SERGEF: variants seen among roughly 807,000 people sequenced by gnomAD.
The protein encoded by SERGEF is secretion-regulating guanine nucleotide exchange factor.
SERGEF carries 51 observed loss-of-function variants against 50.0 expected under a neutral mutation model. The ratio of observed to expected loss-of-function variants is 1.02; its 90% CI spans 0.81 to 1.29. The LOEUF (loss-of-function observed/expected upper bound fraction) is 1.29, where lower values mean the gene tolerates loss of function less well. SERGEF is among the 50% of genes most tolerant of loss of function. The pLI is 0.00. For missense variants in SERGEF, 521 were observed against 557.0 expected, an observed-to-expected ratio of 0.94 and a Z score of 0.65; for synonymous variants, 205 against 212.4, an observed-to-expected ratio of 0.97 and a Z score of 0.30.
intron 10 of SERGEF, among the ~76,000 whole-genome samples, chr11:17,811,995 G>A (rs1273544902): frequency 6.6e-6 from 1 of 152,160 alleles, no homozygotes; most frequent in African/African-American, 2.4e-5. Context: ...CATCCCAAAG[G>A]GAACTGAGGT....
chr11:17,914,419 A>T (rs201137753), intron 9 of SERGEF, among the ~76,000 whole-genome samples: 7 of 151,110 alleles, frequency 4.6e-5, no homozygotes, highest in Admixed American at 3.3e-4. Context: ...TATTTTTTTA[A>T]TTTATTTTAT....
intron 10 of SERGEF, among the ~76,000 whole-genome samples, chr11:17,859,803 A>G (rs1850893442): frequency 6.6e-6 from 1 of 152,228 alleles, no homozygotes; most frequent in Non-Finnish European, 1.5e-5. Context: ...GAATGAAAAA[A>G]ATTGCCAACC....
intron 9 of SERGEF, among the ~76,000 whole-genome samples, chr11:17,892,683 C>T (rs1383274768): frequency 6.6e-6 from 1 of 152,194 alleles, no homozygotes; most frequent in African/African-American, 2.4e-5. Flanking sequence ...GAGCGGTTTC[C>T]AAGTGTATTC....
chr11:17,957,440 T>C (rs930771619), intron 9 of SERGEF, among the ~76,000 whole-genome samples: 2 of 152,210 alleles, frequency 1.3e-5, no homozygotes, highest in Non-Finnish European at 2.9e-5. Context: ...AAGAATCCTC[T>C]GTTCCTCCAC....
intron 9 of SERGEF, among the ~76,000 whole-genome samples, chr11:17,898,336 G>A (rs1241420680): frequency 6.6e-6 from 1 of 152,174 alleles, no homozygotes; most frequent in Non-Finnish European, 1.5e-5. Flanking sequence ...AGACTGTCAG[G>A]AAGCTACTGC....
intron 9 of SERGEF, among the ~76,000 whole-genome samples, chr11:17,908,169 CAG>C (rs1436160731): frequency 6.6e-6 from 1 of 152,196 alleles, no homozygotes; most frequent in Non-Finnish European, 1.5e-5. Flanking sequence ...TCTTCTACTT[CAG>C]ATCTTTCAAT....
At chr11:17,875,957 G>A (rs933458524) in intron 10 of SERGEF, among the ~76,000 whole-genome samples, 7 of 152,326 alleles carry the variant, frequency 4.6e-5, no homozygotes, top group African/African-American at 1.4e-4. Context: ...TAGGATTGAG[G>A]GGAGGAGCTC....
rs551239469 is a variant in SERGEF at position 17,946,892 on chromosome 11, T to C, written c.1011+12578A>G. Among the ~76,000 whole-genome samples, 3 of 152,290 alleles carry C rather than the reference T, an allele frequency of 2.0e-5. No individual in the cohort carries two copies. In the South Asian group the frequency reaches 6.2e-4, roughly 32 times the overall value. On this transcript the variant is annotated intron_variant, in intron 9 of 10. Transcript: ENST00000265965. Reference sequence around the variant, plus strand: ...ATACAGCTATCTCATGACAGATCTCTCCAAGCCTGCTTCAGAGTAGATGGA... The same window carrying C: ...ATACAGCTATCTCATGACAGATCTCCCCAAGCCTGCTTCAGAGTAGATGGA...
chr11:17,951,176 CAT>C (rs1441358630), intron 9 of SERGEF, among the ~76,000 whole-genome samples: 1 of 152,150 alleles, frequency 6.6e-6, no homozygotes, highest in Admixed American at 6.5e-5. Context: ...AGCTCTGACC[CAT>C]ACTTTTAACA....
intron 9 of SERGEF, among the ~76,000 whole-genome samples, chr11:17,927,619 G>A (rs1354583034): frequency 1.3e-5 from 2 of 152,206 alleles, no homozygotes; most frequent in Admixed American, 6.5e-5. Context: ...CCTTTGTAAA[G>A]TCACAGTCTC....
intron 8 of SERGEF, among the ~76,000 whole-genome samples, chr11:17,981,518 T>C (rs754999430): frequency 7.2e-5 from 11 of 152,134 alleles, no homozygotes; most frequent in Non-Finnish European, 1.5e-4. Context: ...GGCAATGCCA[T>C]TAACGAATTA....
intron 10 of SERGEF, among the ~76,000 whole-genome samples, chr11:17,864,078 C>T (rs775778065): frequency 1.1e-4 from 16 of 152,226 alleles, no homozygotes; most frequent in Non-Finnish European, 2.2e-4. Context: ...CAGTGGAAGG[C>T]TGTCTCTAAC....
intron 9 of SERGEF, among the ~76,000 whole-genome samples, chr11:17,954,692 G>A (rs1852831096): frequency 6.6e-6 from 1 of 152,172 alleles, no homozygotes; most frequent in South Asian, 2.1e-4. Context: ...GGCACTGTAT[G>A]TGCACACACA....
chr11:18,002,007 G>C (rs59241736), intron 4 of SERGEF: 6,796 of 456,262 alleles, frequency 0.015, 389 homozygotes, highest in African/African-American at 0.12. Flanking sequence ...GATGCAGGCT[G>C]AACAGCAGAA....
At chr11:18,005,653 C>T (rs2134012762) in intron 3 of SERGEF, among the ~76,000 whole-genome samples, 1 of 152,232 alleles carries the variant, frequency 6.6e-6, no homozygotes, top group East Asian at 1.9e-4. Flanking sequence ...TCCTTTAAAT[C>T]CAGAATGGCC....
In SERGEF at chr11:17,788,319, C is replaced by T. The variant is rs747207385; in HGVS notation, c.1143G>A (p.Leu381=). ...NVWAPKPVQA[L]LSSSGLLVGC... is the part of the protein sequence containing the mutation. ...CCACAAGGAGTCCTGACGATGACAG[C>T]AGAGCCTGCACCGGCTTTGGGGCCC... Residue 381 remains leucine (L), a synonymous_variant, in exon 11 of 11, where the codon CTG becomes CTA. Coordinates refer to ENST00000265965, the MANE Select transcript of SERGEF (RefSeq NM_012139.4). 1.2e-6 allele frequency: 2 copies of T among 1,614,078 alleles called. No homozygotes were observed. Among genetic ancestry groups the T allele is most frequent in the Admixed American group, 3.3e-5 (2 of 60,008 alleles).
At chr11:17,809,023 T>C (rs983184926) in intron 10 of SERGEF, among the ~76,000 whole-genome samples, 2 of 152,244 alleles carry the variant, frequency 1.3e-5, no homozygotes, top group African/African-American at 2.4e-5. Context: ...CAGTCATTCA[T>C]AAAATGTCTA....
At chr11:17,889,776 G>A (rs1851498629) in intron 9 of SERGEF, among the ~76,000 whole-genome samples, 1 of 152,066 alleles carries the variant, frequency 6.6e-6, no homozygotes, top group Non-Finnish European at 1.5e-5. Context: ...CTGGGTGAAG[G>A]GATTTGTGGA....
intron 3 of SERGEF, 34 bp from the exon 4 acceptor site, chr11:18,004,569 T>C (rs1854034030): frequency 6.9e-7 from 1 of 1,445,934 alleles, no homozygotes; most frequent in African/African-American, 1.4e-5. Context: ...TGCAAATCTA[T>C]GAAGTAAGAT....
Sources: allele counts gnomAD v4.1 joint callset (sites outside exome capture counted in the v4.1 genomes callset), GRCh38; gene constraint gnomAD v4.1.1; transcripts MANE v1.5; gene names NCBI Gene and HGNC (gene_info 2026-07-23, HGNC 2026-07-21).